BRINP3: variants seen among roughly 807,000 people sequenced by gnomAD.
The protein encoded by BRINP3 is BMP/retinoic acid-inducible neural-specific protein 3.
A neutral mutation model predicts 71.0 loss-of-function variants in BRINP3; 19 were observed. The observed-to-expected ratio is 0.27, with a 90% CI of 0.19 to 0.39. BRINP3 has a LOEUF of 0.39. Among genes scored for constraint, BRINP3 ranks in the 10% least tolerant of loss-of-function variants. The pLI is 1.00. For missense variants in BRINP3, 959 were observed against 940.8 expected (o/e 1.02, Z -0.25); for synonymous variants, 380 against 337.7 (o/e 1.13, Z -1.37).
chr1:190,421,477 T>A (rs141956681), intron 2 of BRINP3, among the ~76,000 whole-genome samples: 2 of 151,546 alleles, frequency 1.3e-5, no homozygotes, highest in East Asian at 3.9e-4. Context: ...TTAATCTCTA[T>A]AGAAATTTAT....
intron 2 of BRINP3, among the ~76,000 whole-genome samples, chr1:190,369,653 T>TAA (rs36085995): frequency 4.6e-5 from 7 of 151,180 alleles, no homozygotes; most frequent in South Asian, 2.1e-4. Flanking sequence ...TGCATAGACT[T>TAA]AAAAAAAAGT....
chr1:190,324,518 T>A (rs1342507457), intron 2 of BRINP3, among the ~76,000 whole-genome samples: 1 of 151,916 alleles, frequency 6.6e-6, no homozygotes, highest in African/African-American at 2.4e-5. Context: ...TAGGTAAACA[T>A]ACTGATATGG....
At chr1:190,401,733 A>C (rs956242935) in intron 2 of BRINP3, among the ~76,000 whole-genome samples, 2 of 151,892 alleles carry the variant, frequency 1.3e-5, no homozygotes, top group Non-Finnish European at 2.9e-5. Flanking sequence ...ACCCAAATTA[A>C]TAAAAGAAAA....
intron 3 of BRINP3, among the ~76,000 whole-genome samples, chr1:190,273,880 G>A (rs1186480713): frequency 6.6e-6 from 1 of 151,510 alleles, no homozygotes; most frequent in Admixed American, 6.6e-5. Flanking sequence ...AGATTATTTT[G>A]TTCTTTGCAA....
chr1:190,201,818 G>A (rs1363813897), intron 6 of BRINP3, among the ~76,000 whole-genome samples: 2 of 152,220 alleles, frequency 1.3e-5, no homozygotes, highest in African/African-American at 4.8e-5. Context: ...AAGAATTGGG[G>A]TTTGGGAACC....
At chr1:190,332,238 A>G (rs1667011960) in intron 2 of BRINP3, among the ~76,000 whole-genome samples, 1 of 152,020 alleles carries the variant, frequency 6.6e-6, no homozygotes, top group South Asian at 2.1e-4. Flanking sequence ...CTTATCTTTC[A>G]TTTCTTTGAC....
intron 4 of BRINP3, among the ~76,000 whole-genome samples, chr1:190,246,508 GA>G (rs149731619): frequency 0.018 from 2,715 of 148,012 alleles, 75 homozygotes; most frequent in African/African-American, 0.063. Context: ...CACCAAGTTA[GA>G]AAAAAAAAAT....
intron 2 of BRINP3, among the ~76,000 whole-genome samples, chr1:190,430,967 T>A (rs78997048): frequency 7.2e-5 from 11 of 152,122 alleles, no homozygotes; most frequent in African/African-American, 1.7e-4. Flanking sequence ...GTTTTTTTTT[T>A]ACTCATCAAG....
intron 1 of BRINP3, among the ~76,000 whole-genome samples, chr1:190,461,096 C>T (rs1558307599): frequency 6.6e-6 from 1 of 152,120 alleles, no homozygotes; most frequent in Non-Finnish European, 1.5e-5. Flanking sequence ...CCTTTACCCC[C>T]AATTATGTAA....
intron 6 of BRINP3, among the ~76,000 whole-genome samples, chr1:190,200,127 C>G (rs1654871927): frequency 6.6e-6 from 1 of 152,104 alleles, no homozygotes; most frequent in Non-Finnish European, 1.5e-5. Flanking sequence ...AACAGTACCA[C>G]TCAGAGTCTA....
chr1:190,367,488 G>A (rs1669585434), intron 2 of BRINP3, among the ~76,000 whole-genome samples: 1 of 152,172 alleles, frequency 6.6e-6, no homozygotes, highest in Non-Finnish European at 1.5e-5. Flanking sequence ...ATGCCCTGGG[G>A]ACATTTTCCC....
intron 7 of BRINP3, among the ~76,000 whole-genome samples, chr1:190,111,202 A>AC (rs1652659914): frequency 1.3e-5 from 2 of 151,002 alleles, no homozygotes; most frequent in South Asian, 2.1e-4. Flanking sequence ...AAAAAAAAAA[A>AC]AAAAAACTTT....
chr1:190,323,983 A>G (rs1188605020), intron 2 of BRINP3, among the ~76,000 whole-genome samples: 1 of 152,036 alleles, frequency 6.6e-6, no homozygotes, highest in African/African-American at 2.4e-5. Flanking sequence ...AGAGAGGAAC[A>G]CTAGATAAAA....
intron 2 of BRINP3, among the ~76,000 whole-genome samples, chr1:190,309,328 T>C (rs1237305069): frequency 1.3e-5 from 2 of 151,852 alleles, no homozygotes; most frequent in East Asian, 3.9e-4. Context: ...TTTTAATAAA[T>C]AGATTTTCAC....
intron 6 of BRINP3, among the ~76,000 whole-genome samples, chr1:190,189,243 A>G (rs1309086687): frequency 6.6e-6 from 1 of 152,106 alleles, no homozygotes; most frequent in East Asian, 1.9e-4. Flanking sequence ...TAAAAGTTTG[A>G]CAGTACTTAA....
intron 4 of BRINP3, among the ~76,000 whole-genome samples, chr1:190,246,047 A>T (rs1659575662): frequency 6.6e-6 from 1 of 151,548 alleles, no homozygotes; most frequent in Non-Finnish European, 1.5e-5. Context: ...TATTGTGAAT[A>T]GTGCCGCAAT....
chr1:190,284,529 T>A (rs147755125), intron 2 of BRINP3, among the ~76,000 whole-genome samples: 2 of 152,038 alleles, frequency 1.3e-5, no homozygotes, highest in Non-Finnish European at 2.9e-5. Flanking sequence ...CCAACTCCTC[T>A]ACCCATTTAT....
At chr1:190,123,728 T>A (rs927916796) in intron 7 of BRINP3, among the ~76,000 whole-genome samples, 12 of 152,186 alleles carry the variant, frequency 7.9e-5, no homozygotes, top group Admixed American at 2.6e-4. Flanking sequence ...AAGGAAAAAC[T>A]ATGTAGACTT....
intron 3 of BRINP3, among the ~76,000 whole-genome samples, chr1:190,280,587 T>C (rs907589374): frequency 2.6e-5 from 4 of 151,874 alleles, no homozygotes; most frequent in Non-Finnish European, 5.9e-5. Flanking sequence ...GCTGGCAGGT[T>C]AAGGAAAGAC....
Sources: gnomAD v4.1 joint callset for allele counts (sites outside exome capture counted in the v4.1 genomes callset) on GRCh38, gnomAD v4.1.1 for gene constraint, MANE v1.5 for transcripts, NCBI Gene and HGNC (gene_info 2026-07-23, HGNC 2026-07-21) for gene names.